The following PRF1 variants were observed in gnomAD, a reference collection of about 807,000 sequenced individuals.
The protein encoded by PRF1 is perforin-1.
In PRF1, 11 loss-of-function variants were observed where a neutral mutation model predicts 11.7. That is an observed-to-expected ratio of 0.94 (90% CI 0.59 to 1.56). The LOEUF (loss-of-function observed/expected upper bound fraction) is 1.56, where lower values mean the gene tolerates loss of function less well. PRF1 is among the 40% of genes most tolerant of loss of function. PRF1 has a pLI of 0.00. For missense variants in PRF1, 729 were observed against 751.0 expected (o/e 0.97, Z 0.34); for synonymous variants, 314 against 327.8 (o/e 0.96, Z 0.45).
In PRF1 at chr10:70,598,162, C is replaced by T. The variant is rs567204132; in HGVS notation, c.1559G>A (p.Arg520His). 16 of 1,614,148 alleles carry T rather than the reference C, an allele frequency of 9.9e-6. No individual in the cohort carries two copies. The highest frequency in any genetic ancestry group is 3.3e-4 in the Middle Eastern group (2 of 6,062). Reference sequence around the variant, plus strand: ...GTGGGGCAAGCACCTGGCATGATAGCGGAATTTTAGGTGGCCATGATTCAG... The same window carrying T: ...GTGGGGCAAGCACCTGGCATGATAGTGGAATTTTAGGTGGCCATGATTCAG... ...CNLNHGHLKFRYHARCLPHLG... is the reference protein window; with the variant it reads ...CNLNHGHLKFHYHARCLPHLG... The change falls in exon 3 of 3, where the codon CGC (arginine) becomes CAC (histidine). Residue 520 changes from arginine (R) to histidine (H), a missense_variant. Coordinates refer to ENST00000441259, the MANE Select transcript of PRF1 (RefSeq NM_001083116.3).
Position 70,599,038 on chromosome 10 carries a change from T to C in PRF1, c.683A>G (p.Glu228Gly). 6.2e-7 allele frequency: 1 copy of C among 1,613,378 alleles called. No homozygotes were observed. The highest frequency in any genetic ancestry group is 8.5e-7 in the Non-Finnish European group (1 of 1,179,492). ...GAGGGCCGATATGCGGCCACCCAGCTCCACAGCCCGGATGAAGTGGGTGCC... is the reference window on the plus strand; with the variant it reads ...GAGGGCCGATATGCGGCCACCCAGCCCCACAGCCCGGATGAAGTGGGTGCC... ...NYGTHFIRAVELGGRISALTA... is the reference protein window; with the variant it reads ...NYGTHFIRAVGLGGRISALTA... The change falls in exon 3 of 3, where the codon GAG becomes GGG. Residue 228 changes from glutamate (E) to glycine (G), a missense_variant. Transcript: ENST00000441259.
chr10:70,599,091 G>A lies in PRF1; in HGVS notation c.630C>T (p.Pro210=), dbSNP rs144004164. 9.6e-5 allele frequency: 155 copies of A among 1,614,072 alleles called. No individual in the cohort carries two copies. The East Asian group carries it at 2.3e-3, about 24-fold the overall frequency. Residue 210 remains proline, a synonymous_variant, in exon 3 of 3, where the codon CCC becomes CCT. Transcript: ENST00000441259. ...LPHHFNASTQ[P]AYLRLISNYG... Reference sequence around the variant, plus strand: ...AGTTGGAGATAAGCCTGAGGTAGGCGGGCTGGGTGGAGGCGTTGAAGTGGT... The same window carrying A: ...AGTTGGAGATAAGCCTGAGGTAGGCAGGCTGGGTGGAGGCGTTGAAGTGGT...
Position 70,599,476 on chromosome 10 carries a change from G to A in PRF1, c.540-295C>T, listed in dbSNP as rs1007029174. ...ATAAAAGCAATGATCCTGGCCGGGA[G>A]CAGTGGTTCATGCCTGTAACCCCAG... On this transcript the variant is annotated intron_variant, in intron 2 of 2. Coordinates refer to ENST00000441259, the MANE Select transcript of PRF1 (RefSeq NM_001083116.3). Among the ~76,000 whole-genome samples, 8 of 152,276 alleles carry A rather than the reference G, an allele frequency of 5.3e-5. No homozygotes were observed. In the East Asian group the frequency reaches 1.2e-3, roughly 22 times the overall value.
chr10:70,600,898 G>C lies in PRF1; in HGVS notation c.5C>G (p.Ala2Gly). M[A>G]ARLLLLGILL... ...GATGCCCAGGAGGAGCAGACGGGCT[G>C]CCATGGAGCTGCAGAGACAGGGGGC... The change falls in exon 2 of 3, where the codon GCA becomes GGA. Residue 2 changes from alanine to glycine, a missense_variant. By Grantham distance (60) the Ala-to-Gly change is moderately conservative. Coordinates refer to ENST00000441259, the MANE Select transcript of PRF1 (RefSeq NM_001083116.3). The surrounding 1 kb of genome is among the most constrained non-coding windows in gnomAD (Gnocchi z 4.9). 1 of 1,585,774 alleles carries C rather than the reference G, an allele frequency of 6.3e-7. No homozygotes were observed. Among genetic ancestry groups the C allele is most frequent in the African/African-American group, 1.3e-5 (1 of 74,854 alleles).
intron 2 of PRF1, among the ~76,000 whole-genome samples, chr10:70,599,806 C>A (rs1282516130): frequency 6.6e-6 from 1 of 152,196 alleles, no homozygotes; most frequent in Non-Finnish European, 1.5e-5. Flanking sequence ...TTGGGTCTGG[C>A]CTACAAACAC....
rs1343865572 is a variant in PRF1 at position 70,597,928 on chromosome 10, C to T, written c.*125G>A. On this transcript the variant is annotated 3_prime_UTR_variant, in exon 3 of 3. Coordinates refer to ENST00000441259, the MANE Select transcript of PRF1 (RefSeq NM_001083116.3). ...TGCGTTGGGCCGCATTCAAAGCCAT[C>T]CTGGGCCGCATGCGGGCCTCGGGTT... 1 of 1,273,210 alleles carries T rather than the reference C, an allele frequency of 7.9e-7. No homozygotes were observed. Among genetic ancestry groups the T allele is most frequent in the Non-Finnish European group, 1.1e-6 (1 of 901,952 alleles). 78.9% of individuals were successfully genotyped at this position (1,273,210 alleles called of 1,614,324 possible). A position where few individuals can be genotyped will look rare whatever the true frequency, so the allele number is the denominator to read the frequency against.
chr10:70,602,697 GA>G lies in PRF1; in HGVS notation c.-84del, dbSNP rs1848248948. On this transcript the variant is annotated 5_prime_UTR_variant, in exon 1 of 3. An upstream open reading frame in the 5' UTR loses its in-frame stop. Coordinates refer to ENST00000441259, the MANE Select transcript of PRF1 (RefSeq NM_001083116.3). ...CACAGATGGATATCCTCTCTTCACC[GA>G]GGCTCCTGGAATGGTGGCATCAGCC... 6.6e-6 allele frequency: 1 copy of G among 152,206 alleles called. No individual in the cohort carries two copies. The highest frequency in any genetic ancestry group is 1.5e-5 in the Non-Finnish European group (1 of 68,136). 9.4% of individuals were successfully genotyped at this position (152,206 alleles called of 1,614,324 possible).
In PRF1 at chr10:70,600,531, G is replaced by A; in HGVS notation, c.372C>T (p.Ser124=). Residue 124 remains serine, a synonymous_variant, in exon 2 of 3, where the codon AGC becomes AGT. Transcript: ENST00000441259. The surrounding 1 kb of genome is among the most constrained non-coding windows in gnomAD (Gnocchi z 4.9). ...GCCCGACCTTCCAGTCGTTGCGGAT[G>A]CTACGAGCCGCATCCCGGGCCACAG... ...TEAVARDAAR[S]IRNDWKVGLD... 2 of 1,613,712 alleles carry A rather than the reference G, an allele frequency of 1.2e-6. No homozygotes were observed. The highest frequency in any genetic ancestry group is 2.2e-5 in the South Asian group (2 of 91,080).
At position 70,600,681 on chromosome 10, in the gene PRF1, G is replaced by C. The variant is rs1187338116; in HGVS notation, c.222C>G (p.Thr74=). 1 of 1,613,880 alleles carries C rather than the reference G, an allele frequency of 6.2e-7. No individual in the cohort carries two copies. Among genetic ancestry groups the C allele is most frequent in the Non-Finnish European group, 8.5e-7 (1 of 1,179,926 alleles). ...QRFLRPDGTC[T]LCENALQEGT... ...CCTCCTGTAGGGCATTTTCACAGAG[G>C]GTGCAGGTGCCGTCGGGCCGCAGGA... Residue 74 remains threonine, a synonymous_variant, in exon 2 of 3, where the codon ACC becomes ACG. Coordinates refer to ENST00000441259, the MANE Select transcript of PRF1 (RefSeq NM_001083116.3). The surrounding 1 kb of genome is among the most constrained non-coding windows in gnomAD (Gnocchi z 4.9).
chr10:70,602,197 T>G (rs55696524), intron 1 of PRF1, among the ~76,000 whole-genome samples: 3,099 of 152,288 alleles, frequency 0.02, 50 homozygotes, highest in Non-Finnish European at 0.032. Context: ...CCATTATAGC[T>G]GGAGCCTCCT....
chr10:70,601,654 C>G (rs372128335), intron 1 of PRF1, among the ~76,000 whole-genome samples: 1 of 151,610 alleles, frequency 6.6e-6, no homozygotes, highest in East Asian at 1.9e-4. Flanking sequence ...CGTGGTGAAA[C>G]CCCCTCTTTA....
Position 70,597,978 on chromosome 10 carries a change from A to G in PRF1, c.*75T>C, listed in dbSNP as rs1311342772. The G allele has an allele frequency of 6.3e-7, 1 of 1,576,674 alleles. No homozygotes were observed. The highest frequency in any genetic ancestry group is 1.3e-5 in the African/African-American group (1 of 74,288). On this transcript the variant is annotated 3_prime_UTR_variant, in exon 3 of 3. Coordinates refer to ENST00000441259, the MANE Select transcript of PRF1 (RefSeq NM_001083116.3). ...TGGACAAGCTTGGTCTAATGGGAAT[A>G]CGAAGACAGCCCTGGCTCCCACTGT...
intron 1 of PRF1, among the ~76,000 whole-genome samples, chr10:70,601,351 C>T (rs2132479239): frequency 6.6e-6 from 1 of 152,268 alleles, no homozygotes; most frequent in South Asian, 2.1e-4. Context: ...ACCCTTTGCC[C>T]ACCCTGACTC....
rs1482856602 is a variant in PRF1 at position 70,597,756 on chromosome 10, A to G, written c.*297T>C. The G allele has an allele frequency of 1.2e-5, 7 of 601,796 alleles. No homozygotes were observed. Among genetic ancestry groups the G allele is most frequent in the South Asian group, 6.1e-5 (3 of 49,112 alleles). The allele number at this position is 601,796 out of a possible 1,614,324, so 37.3% of individuals were successfully genotyped here. A position where few individuals can be genotyped will look rare whatever the true frequency, so the allele number is the denominator to read the frequency against. ...TTTCCATCTGTCTGATGCGTATCCA[A>G]TCTTTTGGCTTCTCTGGGCCACGTT... On this transcript the variant is annotated 3_prime_UTR_variant, in exon 3 of 3. Coordinates refer to ENST00000441259, the MANE Select transcript of PRF1 (RefSeq NM_001083116.3).
chr10:70,601,011 G>A, intron 1 of PRF1, 79 bp from the exon 2 acceptor site: 1 of 1,506,088 alleles, frequency 6.6e-7, no homozygotes, highest in South Asian at 1.2e-5. Context: ...CACATGGAAG[G>A]GGAGGGGCTG....
chr10:70,600,684 G>C lies in PRF1; in HGVS notation c.219C>G (p.Cys73Trp). The C allele has an allele frequency of 6.2e-7, 1 of 1,613,900 alleles. No individual in the cohort carries two copies. The highest frequency in any genetic ancestry group is 2.2e-5 in the East Asian group (1 of 44,878). Residue 73 changes from cysteine to tryptophan, a missense_variant, in exon 2 of 3, where the codon TGC becomes TGG. Physicochemically the swap from Cys to Trp is radical, Grantham distance 215. Transcript: ENST00000441259. The surrounding 1 kb of genome is among the most constrained non-coding windows in gnomAD (Gnocchi z 4.9). The part of the protein sequence containing the change: ...TQRFLRPDGT[C>W]TLCENALQEG... ...CCTGTAGGGCATTTTCACAGAGGGT[G>C]CAGGTGCCGTCGGGCCGCAGGAACC...
At chr10:70,601,620 G>C (rs1446967782) in intron 1 of PRF1, among the ~76,000 whole-genome samples, 1 of 151,966 alleles carries the variant, frequency 6.6e-6, no homozygotes, top group Non-Finnish European at 1.5e-5. Context: ...CTGGAGGTCA[G>C]AAGTTCGAGA....
intron 1 of PRF1, among the ~76,000 whole-genome samples, chr10:70,601,447 C>A (rs1293052944): frequency 6.6e-6 from 1 of 152,134 alleles, no homozygotes; most frequent in Middle Eastern, 3.2e-3. Flanking sequence ...GAAATGAGGT[C>A]CTATATTGCA....
chr10:70,597,362 T>G lies in PRF1; in HGVS notation c.*691A>C. On this transcript the variant is annotated 3_prime_UTR_variant, in exon 3 of 3. Transcript: ENST00000441259. ...CACCATGATGATCACCATAACATCA[T>G]ATTTATTGGCCCTTTATCAAGCTAT... 7.5e-6 allele frequency: 2 copies of G among 266,334 alleles called. No homozygotes were observed. 16.5% of individuals were successfully genotyped at this position (266,334 alleles called of 1,614,324 possible). A position where few individuals can be genotyped will look rare whatever the true frequency, so the allele number is the denominator to read the frequency against.
Sources: allele counts gnomAD v4.1 joint callset (sites outside exome capture counted in the v4.1 genomes callset), GRCh38; gene constraint gnomAD v4.1.1; non-coding constraint Gnocchi (gnomAD v3.1); transcripts MANE v1.5; gene names NCBI Gene and HGNC (gene_info 2026-07-23, HGNC 2026-07-21).